SAMMSON: variants seen among roughly 807,000 people sequenced by gnomAD.
SAMMSON encodes the protein survival associated mitochondrial melanoma specific oncogenic non-coding RNA, also known as long intergenic non-protein coding RNA 1212.
At chr3:70,372,607 T>C (rs1443217410) in intron 9 of SAMMSON, among the ~76,000 whole-genome samples, 1 of 152,136 alleles carries the variant, frequency 6.6e-6, no homozygotes, top group African/African-American at 2.4e-5. Flanking sequence ...CACTATTTTT[T>C]AATGTTGAGT....
intron 3 of SAMMSON, among the ~76,000 whole-genome samples, chr3:70,037,331 T>C (rs966640903): frequency 6.6e-6 from 1 of 152,086 alleles, no homozygotes; most frequent in African/African-American, 2.4e-5. Context: ...GGTCCTTCTC[T>C]AGAATGAAAT....
intron 7 of SAMMSON, among the ~76,000 whole-genome samples, chr3:70,300,858 A>T (rs1238572791): frequency 6.6e-6 from 1 of 152,026 alleles, no homozygotes; most frequent in Admixed American, 6.6e-5. Context: ...TGGACACTCC[A>T]AGGTATTCAT....
At chr3:70,155,015 G>T (rs915954264) in intron 4 of SAMMSON, among the ~76,000 whole-genome samples, 2 of 147,492 alleles carry the variant, frequency 1.4e-5, no homozygotes, top group South Asian at 4.3e-4. Flanking sequence ...AACATTTCAT[G>T]TTTTTTTTTT....
intron 6 of SAMMSON, among the ~76,000 whole-genome samples, chr3:70,283,306 A>G (rs998371182): frequency 1.3e-5 from 2 of 151,962 alleles, no homozygotes; most frequent in Admixed American, 6.6e-5. Flanking sequence ...TTTTCAATGC[A>G]CTGTGCCTGG....
intron 4 of SAMMSON, among the ~76,000 whole-genome samples, chr3:70,204,020 C>A (rs1407915161): frequency 2.6e-5 from 4 of 152,090 alleles, no homozygotes; most frequent in Admixed American, 2.6e-4. Flanking sequence ...AGTAAAGATC[C>A]TTTTAAATTC....
chr3:70,157,199 T>C (rs1467328925), intron 4 of SAMMSON, among the ~76,000 whole-genome samples: 1 of 152,128 alleles, frequency 6.6e-6, no homozygotes, highest in Non-Finnish European at 1.5e-5. Flanking sequence ...TGAGCATTGC[T>C]TGATGCAAAT....
intron 4 of SAMMSON, among the ~76,000 whole-genome samples, chr3:70,083,392 A>G (rs1196868977): frequency 6.6e-6 from 1 of 152,180 alleles, no homozygotes; most frequent in African/African-American, 2.4e-5. Context: ...ACTCTGGAAA[A>G]TCATTCTCAT....
chr3:70,065,419 G>C (rs1184882142), intron 3 of SAMMSON: 1 of 152,052 alleles, frequency 6.6e-6, no homozygotes, highest in Non-Finnish European at 1.5e-5. Flanking sequence ...ACCTATTACA[G>C]ATACAGTCTG....
At chr3:70,387,956 A>G (rs1297312743) in intron 9 of SAMMSON, among the ~76,000 whole-genome samples, 1 of 135,388 alleles carries the variant, frequency 7.4e-6, no homozygotes, top group Non-Finnish European at 1.6e-5. Flanking sequence ...AACCATTGCT[A>G]CTTTTGAGCC....
At chr3:70,210,050 T>C (rs1489501491) in intron 4 of SAMMSON, among the ~76,000 whole-genome samples, 1 of 152,128 alleles carries the variant, frequency 6.6e-6, no homozygotes, top group Non-Finnish European at 1.5e-5. Flanking sequence ...GTAGTCAGGC[T>C]GCATGTAATT....
chr3:70,312,229 A>T (rs185591436), intron 7 of SAMMSON, among the ~76,000 whole-genome samples: 2 of 152,196 alleles, frequency 1.3e-5, no homozygotes, highest in Non-Finnish European at 2.9e-5. Context: ...CAATTTCTCA[A>T]TGTGAAAGAA....
intron 8 of SAMMSON, among the ~76,000 whole-genome samples, chr3:70,357,962 T>C (rs1702842376): frequency 6.6e-6 from 1 of 152,140 alleles, no homozygotes. Flanking sequence ...ACTCTTGTTG[T>C]GTTTTGTTGT....
intron 4 of SAMMSON, among the ~76,000 whole-genome samples, chr3:70,085,886 C>T (rs1559788080): frequency 6.6e-6 from 1 of 152,144 alleles, no homozygotes; most frequent in African/African-American, 2.4e-5. Flanking sequence ...AAGTCATAAG[C>T]TGATCAACAA....
intron 4 of SAMMSON, among the ~76,000 whole-genome samples, chr3:70,076,354 G>A (rs991211977): frequency 6.6e-6 from 1 of 152,026 alleles, no homozygotes; most frequent in Non-Finnish European, 1.5e-5. Context: ...AGTATAAATT[G>A]GGATGACAAG....
chr3:70,345,297 CTT>C (rs1481602795), intron 7 of SAMMSON, among the ~76,000 whole-genome samples: 4 of 152,176 alleles, frequency 2.6e-5, no homozygotes, highest in Admixed American at 2.6e-4. Context: ...TAGGAACTAA[CTT>C]TATCAAGTGG....
chr3:70,130,153 A>C (rs1473169502), intron 4 of SAMMSON, among the ~76,000 whole-genome samples: 1 of 152,160 alleles, frequency 6.6e-6, no homozygotes, highest in Non-Finnish European at 1.5e-5. Context: ...CCACCATTGA[A>C]TGTTGAATGT....
At chr3:70,432,193 C>G (rs544648332) in intron 2 of SAMMSON, among the ~76,000 whole-genome samples, 4 of 151,848 alleles carry the variant, frequency 2.6e-5, no homozygotes, top group Non-Finnish European at 5.9e-5. Context: ...TCTCTATATT[C>G]TCAACAATTT....
chr3:70,369,051 G>A (rs1345366822), intron 9 of SAMMSON, among the ~76,000 whole-genome samples: 2 of 151,342 alleles, frequency 1.3e-5, no homozygotes, highest in East Asian at 3.9e-4. Context: ...TCTATACACA[G>A]ACTTGTATGT....
At chr3:70,212,281 A>G (rs966130311) in intron 4 of SAMMSON, among the ~76,000 whole-genome samples, 21 of 152,138 alleles carry the variant, frequency 1.4e-4, no homozygotes, top group African/African-American at 5.1e-4. Flanking sequence ...GTAACTGTCT[A>G]TTGGACATTT....
Sources: gnomAD v4.1 joint callset for allele counts (sites outside exome capture counted in the v4.1 genomes callset) on GRCh38, gnomAD v4.1.1 for gene constraint, MANE v1.5 for transcripts, NCBI Gene and HGNC (gene_info 2026-07-23, HGNC 2026-07-21) for gene names.